SGMS1: variants seen among roughly 807,000 people sequenced by gnomAD.
The protein encoded by SGMS1 is sphingomyelin synthase 1.
SGMS1 carries 13 observed loss-of-function variants against 46.2 expected under a neutral mutation model. That is an observed-to-expected ratio of 0.28 (90% CI 0.18 to 0.45). The LOEUF is 0.45. SGMS1 is among the 20% of genes least tolerant of loss of function. The pLI is 1.00. For missense variants in SGMS1, 324 were observed against 519.9 expected (o/e 0.62, Z 3.66); for synonymous variants, 203 against 187.8 (o/e 1.08, Z -0.66).
chr10:50,396,245 A>G (rs1848846721), intron 6 of SGMS1, among the ~76,000 whole-genome samples: 1 of 152,136 alleles, frequency 6.6e-6, no homozygotes, highest in South Asian at 2.1e-4. Flanking sequence ...CCAAGCTTAA[A>G]GACTACCTCT....
At chr10:50,543,708 A>G (rs775138388) in intron 2 of SGMS1, among the ~76,000 whole-genome samples, 2 of 152,246 alleles carry the variant, frequency 1.3e-5, no homozygotes, top group Non-Finnish European at 2.9e-5. Flanking sequence ...GACCCAAACT[A>G]ATAATCTTCT....
chr10:50,387,214 G>A (rs964442640), intron 6 of SGMS1, among the ~76,000 whole-genome samples: 4 of 152,168 alleles, frequency 2.6e-5, no homozygotes, highest in African/African-American at 9.7e-5. Context: ...CCTAAAGGGG[G>A]AAATCCATGT....
At chr10:50,392,009 C>A (rs753765275) in intron 6 of SGMS1, among the ~76,000 whole-genome samples, 24 of 151,912 alleles carry the variant, frequency 1.6e-4, no homozygotes, top group Non-Finnish European at 3.2e-4. Flanking sequence ...AAGAAGGGAA[C>A]AACAGACACC....
chr10:50,490,998 T>C (rs767871774), intron 3 of SGMS1, among the ~76,000 whole-genome samples: 13 of 152,258 alleles, frequency 8.5e-5, no homozygotes, highest in Non-Finnish European at 1.5e-4. Context: ...TATTAATTGA[T>C]ATTTTAGCAA....
intron 6 of SGMS1, among the ~76,000 whole-genome samples, chr10:50,356,624 A>T (rs1415728015): frequency 6.6e-6 from 1 of 152,188 alleles, no homozygotes. Flanking sequence ...AAGCTGTTTT[A>T]AAAATTATAA....
chr10:50,355,550 C>T (rs935459003), intron 6 of SGMS1, among the ~76,000 whole-genome samples: 3 of 152,234 alleles, frequency 2.0e-5, no homozygotes, highest in South Asian at 4.1e-4. Context: ...GCCGGGATTG[C>T]AGACGGAGTC....
intron 2 of SGMS1, among the ~76,000 whole-genome samples, chr10:50,522,448 T>C (rs1837864687): frequency 6.6e-6 from 1 of 152,182 alleles, no homozygotes; most frequent in Non-Finnish European, 1.5e-5. Flanking sequence ...CAAAATCTGG[T>C]ATTACCCACT....
At chr10:50,353,757 C>A (rs1564885924) in intron 6 of SGMS1, among the ~76,000 whole-genome samples, 2 of 152,396 alleles carry the variant, frequency 1.3e-5, no homozygotes, top group East Asian at 3.9e-4. Flanking sequence ...GATACAAAAT[C>A]AATGTGCAAA....
chr10:50,523,574 C>G (rs1837874206), intron 2 of SGMS1, among the ~76,000 whole-genome samples: 1 of 152,192 alleles, frequency 6.6e-6, no homozygotes, highest in South Asian at 2.1e-4. Context: ...ACAGTAGAGC[C>G]TACCCTAAGT....
At chr10:50,445,655 C>T (rs545069458) in intron 5 of SGMS1, among the ~76,000 whole-genome samples, 4 of 152,226 alleles carry the variant, frequency 2.6e-5, no homozygotes, top group South Asian at 2.1e-4. Flanking sequence ...CCGTCATCTT[C>T]GTAAACTGAG....
intron 2 of SGMS1, among the ~76,000 whole-genome samples, chr10:50,531,812 C>T (rs1837955822): frequency 6.6e-6 from 1 of 152,102 alleles, no homozygotes; most frequent in Non-Finnish European, 1.5e-5. Context: ...TTGGGATATG[C>T]CAGATAGCTT....
At chr10:50,451,635 C>T (rs1228988034) in intron 5 of SGMS1, among the ~76,000 whole-genome samples, 1 of 152,154 alleles carries the variant, frequency 6.6e-6, no homozygotes, top group Non-Finnish European at 1.5e-5. Flanking sequence ...AGACCCACCT[C>T]TGCAGAATTA....
rs150975310 is a variant in SGMS1 at position 50,332,611 on chromosome 10, CTTTTTTTTTTTTT to C, written c.624-5302_624-5290del. Among the ~76,000 whole-genome samples, 17 of 72,698 alleles carry C rather than the reference CTTTTTTTTTTTTT, an allele frequency of 2.3e-4. 2 individuals carry two copies. The South Asian group carries it at 2.7e-3, about 11-fold the overall frequency. The allele number at this position is 72,698 out of a possible 152,430, so 47.7% of individuals were successfully genotyped here. ...AACATGACATCTCCTTTTTTTAAGT[CTTTTTTTTTTTTT>C]TTTTTTTTTTTTTGGTGAGACAGGA... On this transcript the variant is annotated intron_variant, in intron 7 of 10. Coordinates refer to ENST00000361781, the MANE Select transcript of SGMS1 (RefSeq NM_147156.4).
At chr10:50,404,124 G>A (rs767233397) in intron 6 of SGMS1, among the ~76,000 whole-genome samples, 4 of 152,080 alleles carry the variant, frequency 2.6e-5, no homozygotes, top group South Asian at 2.1e-4. Flanking sequence ...GAGGGAGAAA[G>A]AGGAAGAAGA....
chr10:50,411,961 T>C (rs1292928574), intron 6 of SGMS1, among the ~76,000 whole-genome samples: 1 of 152,228 alleles, frequency 6.6e-6, no homozygotes, highest in Non-Finnish European at 1.5e-5. Context: ...GCTTAGTCTA[T>C]GTTAGTAATT....
intron 6 of SGMS1, among the ~76,000 whole-genome samples, chr10:50,372,199 A>G (rs1028785233): frequency 6.6e-6 from 1 of 152,204 alleles, no homozygotes; most frequent in Non-Finnish European, 1.5e-5. Context: ...GAACAACAAA[A>G]AGCGAATACT....
At chr10:50,349,796 C>T (rs1388577936) in intron 6 of SGMS1, among the ~76,000 whole-genome samples, 1 of 152,204 alleles carries the variant, frequency 6.6e-6, no homozygotes, top group East Asian at 1.9e-4. Context: ...GATTCTCAGG[C>T]CTCTGCAGCC....
chr10:50,529,596 T>C (rs1047847176), intron 2 of SGMS1, among the ~76,000 whole-genome samples: 3 of 152,180 alleles, frequency 2.0e-5, no homozygotes, highest in Admixed American at 2.0e-4. Context: ...ATCTTACACT[T>C]TGGGGGTGAA....
intron 6 of SGMS1, among the ~76,000 whole-genome samples, chr10:50,414,806 C>T (rs1479833795): frequency 1.3e-5 from 2 of 152,202 alleles, no homozygotes; most frequent in African/African-American, 2.4e-5. Context: ...GTTTTTCCCA[C>T]CAGCTGTACC....
Sources: gnomAD v4.1 joint callset for allele counts (sites outside exome capture counted in the v4.1 genomes callset) on GRCh38, gnomAD v4.1.1 for gene constraint, MANE v1.5 for transcripts, NCBI Gene and HGNC (gene_info 2026-07-23, HGNC 2026-07-21) for gene names.